FAM227B: variants seen among roughly 807,000 people sequenced by gnomAD.
FAM227B encodes protein FAM227B.
In FAM227B, 88 loss-of-function variants were observed where a neutral mutation model predicts 73.8. That is an observed-to-expected ratio of 1.19 (90% CI 1.00 to 1.42). The LOEUF is 1.42. Ranked by LOEUF, FAM227B falls within the 40% of genes most tolerant of loss-of-function variation. The pLI is 0.00. For missense variants in FAM227B, 632 were observed against 590.9 expected, an observed-to-expected ratio of 1.07 and a Z score of -0.72; for synonymous variants, 210 against 190.5, an observed-to-expected ratio of 1.10 and a Z score of -0.84.
At chr15:49,348,058 T>C (rs1459549876) in intron 13 of FAM227B, among the ~76,000 whole-genome samples, 1 of 142,502 alleles carries the variant, frequency 7.0e-6, no homozygotes, top group Non-Finnish European at 1.5e-5. Flanking sequence ...ACATAAAAAG[T>C]GTTAGTGCTT....
chr15:49,468,037 T>A (rs1265585080), intron 11 of FAM227B, among the ~76,000 whole-genome samples: 2 of 152,316 alleles, frequency 1.3e-5, no homozygotes, highest in East Asian at 1.9e-4. Context: ...CTGCTGCAAC[T>A]TAAATTCTTT....
At chr15:49,460,149 C>A (rs1303452139) in intron 11 of FAM227B, among the ~76,000 whole-genome samples, 1 of 152,014 alleles carries the variant, frequency 6.6e-6, no homozygotes, top group African/African-American at 2.4e-5. Flanking sequence ...AAGAGGCAAG[C>A]CCCAAGAGAG....
At chr15:49,542,749 T>C (rs1276546483) in intron 9 of FAM227B, among the ~76,000 whole-genome samples, 2 of 150,146 alleles carry the variant, frequency 1.3e-5, no homozygotes, top group Non-Finnish European at 3.0e-5. Context: ...TATACATTTA[T>C]TTAATATTTT....
At chr15:49,446,057 A>T (rs548509897) in intron 11 of FAM227B, among the ~76,000 whole-genome samples, 2 of 151,704 alleles carry the variant, frequency 1.3e-5, no homozygotes. Context: ...ACTATGGTGT[A>T]TTTCTAAATA....
intron 11 of FAM227B, chr15:49,488,364 CA>C (rs1203820312): frequency 6.6e-6 from 1 of 151,950 alleles, no homozygotes; most frequent in Non-Finnish European, 1.5e-5. Flanking sequence ...CATATACTCC[CA>C]CCTATCCTTT....
intron 13 of FAM227B, among the ~76,000 whole-genome samples, chr15:49,361,951 GA>G (rs2044318482): frequency 6.6e-6 from 1 of 152,156 alleles, no homozygotes; most frequent in Admixed American, 6.5e-5. Context: ...ACTGGTCTGA[GA>G]TGGTATCTCA....
chr15:49,499,065 C>G (rs1251717138), intron 11 of FAM227B, among the ~76,000 whole-genome samples: 1 of 144,330 alleles, frequency 6.9e-6, no homozygotes, highest in African/African-American at 2.5e-5. Flanking sequence ...ACTTGGGAGG[C>G]TGAGGCAGGA....
intron 3 of FAM227B, among the ~76,000 whole-genome samples, chr15:49,590,906 T>C (rs1291573324): frequency 6.6e-6 from 1 of 152,106 alleles, no homozygotes; most frequent in Non-Finnish European, 1.5e-5. Context: ...ATAAGTGAGA[T>C]CATGCCACAG....
chr15:49,581,347 GAC>G (rs2075799790), intron 5 of FAM227B, among the ~76,000 whole-genome samples: 1 of 149,542 alleles, frequency 6.7e-6, no homozygotes, highest in South Asian at 2.1e-4. Flanking sequence ...TTTTTTTTGA[GAC>G]AGAGTTTCGC....
chr15:49,390,942 A>C (rs2047173787), intron 11 of FAM227B, among the ~76,000 whole-genome samples: 1 of 151,990 alleles, frequency 6.6e-6, no homozygotes. Context: ...CATTGGAAAG[A>C]ACTGTCCTTA....
intron 13 of FAM227B, among the ~76,000 whole-genome samples, chr15:49,352,930 A>C (rs564706904): frequency 2.3e-4 from 35 of 152,282 alleles, no homozygotes; most frequent in African/African-American, 8.4e-4. Flanking sequence ...GTTCTGTCTT[A>C]CTGCAGTGTA....
intron 9 of FAM227B, among the ~76,000 whole-genome samples, chr15:49,564,646 T>C (rs1320091617): frequency 1.3e-5 from 2 of 151,982 alleles, no homozygotes; most frequent in African/African-American, 4.8e-5. Flanking sequence ...CAACATGGAA[T>C]ACTATACAGC....
chr15:49,502,468 C>A (rs181475756), intron 11 of FAM227B, among the ~76,000 whole-genome samples: 2 of 152,348 alleles, frequency 1.3e-5, no homozygotes, highest in East Asian at 3.9e-4. Flanking sequence ...GACTGCTCTG[C>A]CAGGTTTGAA....
rs1217127134 is a variant in FAM227B, at chr15:49,586,896, AG to A, written c.405+1119del. On this transcript the variant is annotated intron_variant, in intron 5 of 15. Coordinates refer to ENST00000299338, the MANE Select transcript of FAM227B (RefSeq NM_152647.3). The stretch of plus-strand genomic sequence containing the variant: ...AAATAACAGAAGCTGACGAGGTTGC[AG>A]AGAAAAGGGAATGCTTATAATACAC... 3.3e-5 allele frequency among the ~76,000 whole-genome samples: 5 copies of A among 152,338 alleles called. No individual in the cohort carries two copies. In the South Asian group the frequency reaches 8.3e-4, roughly 25 times the overall value.
At chr15:49,358,558 C>G (rs1458875377) in intron 13 of FAM227B, among the ~76,000 whole-genome samples, 2 of 149,196 alleles carry the variant, frequency 1.3e-5, no homozygotes, top group African/African-American at 2.5e-5. Flanking sequence ...TCAAGGAGAA[C>G]TACAAACCAC....
At chr15:49,338,990 GTTC>G (rs1567100223) in intron 13 of FAM227B, among the ~76,000 whole-genome samples, 2 of 152,034 alleles carry the variant, frequency 1.3e-5, no homozygotes. Context: ...GGTCACTTAT[GTTC>G]TTCTCTAAAC....
Position 49,435,358 on chromosome 15 carries a change from TTAAGA to T in FAM227B, c.1013-63964_1013-63960del, listed in dbSNP as rs538084984. ...TTATGAAGGTTATCTACCACATTCT[TTAAGA>T]TAAGACATACTTTTACTACCATGAG... On this transcript the variant is annotated intron_variant, in intron 11 of 15. Transcript: ENST00000299338. 9.2e-4 allele frequency among the ~76,000 whole-genome samples: 139 copies of T among 151,754 alleles called. 5 individuals are homozygous for T. The South Asian group carries it at 0.027, about 30-fold the overall frequency.
At chr15:49,555,938 G>A (rs2073623422) in intron 9 of FAM227B, among the ~76,000 whole-genome samples, 1 of 152,124 alleles carries the variant, frequency 6.6e-6, no homozygotes, top group Non-Finnish European at 1.5e-5. Context: ...TCTACCACCT[G>A]TATCATTTTA....
At chr15:49,364,550 T>A (rs2044790174) in intron 13 of FAM227B, among the ~76,000 whole-genome samples, 1 of 152,144 alleles carries the variant, frequency 6.6e-6, no homozygotes, top group Non-Finnish European at 1.5e-5. Context: ...CAGTCTGAAG[T>A]AATTTCAGTT....
Sources: gnomAD v4.1 joint callset for allele counts (sites outside exome capture counted in the v4.1 genomes callset) on GRCh38, gnomAD v4.1.1 for gene constraint, MANE v1.5 for transcripts, NCBI Gene and HGNC (gene_info 2026-07-23, HGNC 2026-07-21) for gene names.